Variants in AGAP1 observed in about 807,000 individuals in gnomAD.
The protein encoded by AGAP1 is arf-GAP with GTPase, ANK repeat and PH domain-containing protein 1.
AGAP1 carries 29 observed loss-of-function variants against 105.3 expected under a neutral mutation model. The ratio of observed to expected loss-of-function variants is 0.28; its 90% CI spans 0.21 to 0.38. The LOEUF (loss-of-function observed/expected upper bound fraction) is 0.38. Ranked by LOEUF, AGAP1 falls within the 10% of genes least tolerant of loss-of-function variation. AGAP1 has a pLI of 1.00. For missense variants in AGAP1, 998 were observed against 1,165.1 expected (o/e 0.86, Z 2.09); for synonymous variants, 509 against 485.9 (o/e 1.05, Z -0.63).
chr2:236,120,499 G>T lies in AGAP1; in HGVS notation c.2370+52G>T, dbSNP rs776411950. The T allele has an allele frequency of 6.2e-7, 1 of 1,600,408 alleles. No individual in the cohort carries two copies. Among genetic ancestry groups the T allele is most frequent in the South Asian group, 1.1e-5 (1 of 89,198 alleles). ...GACGGGGCCACAGGAGGCACTCTCT[G>T]CTTTGTTCTGCTTCCGTGGGCATCT... On this transcript the variant is annotated intron_variant, in intron 17 of 17. Transcript: ENST00000304032. The surrounding 1 kb of genome is among the most constrained non-coding windows in gnomAD (Gnocchi z 6.0).
At chr2:235,702,916 T>C (rs1442948192) in intron 1 of AGAP1, among the ~76,000 whole-genome samples, 1 of 150,950 alleles carries the variant, frequency 6.6e-6, no homozygotes, top group African/African-American at 2.5e-5. Flanking sequence ...TAGTGGTCAC[T>C]GTGAGCCAGT....
In AGAP1 at chr2:235,614,946, A is replaced by G. The variant is rs1465938147; in HGVS notation, c.164-94233A>G. Among the ~76,000 whole-genome samples the G allele has an allele frequency of 1.3e-5, 2 of 152,220 alleles. No homozygotes were observed. The highest frequency in any genetic ancestry group is 2.4e-5 in the African/African-American group (1 of 41,450). ...TTGGTTCACTGGGGCCGACTTGAAA[A>G]TAGTCAAAGTCCAAGTAAACTTCTG... On this transcript the variant is annotated intron_variant, in intron 1 of 17. Coordinates refer to ENST00000304032, the MANE Select transcript of AGAP1 (RefSeq NM_001037131.3). The surrounding 1 kb of genome is among the most constrained non-coding windows in gnomAD (Gnocchi z 4.7).
At chr2:235,514,905 C>G (rs1942316487) in intron 1 of AGAP1, among the ~76,000 whole-genome samples, 3 of 152,170 alleles carry the variant, frequency 2.0e-5, no homozygotes, top group Admixed American at 1.3e-4. Flanking sequence ...ATCAGATGTT[C>G]AATGACTCAT....
rs1260399701 is a variant in AGAP1, at chr2:236,113,886, C to T, written c.2115-6306C>T. On this transcript the variant is annotated intron_variant, in intron 16 of 17. Coordinates refer to ENST00000304032, the MANE Select transcript of AGAP1 (RefSeq NM_001037131.3). The surrounding 1 kb of genome is among the most constrained non-coding windows in gnomAD (Gnocchi z 4.3). ...GAGAGGTAAAGAGCCACCTTTACCT[C>T]TTCTTTTAGGCAGGAAGAGAAGCAA... is the stretch of plus-strand genomic sequence containing the variant. Among the ~76,000 whole-genome samples, 1 of 152,194 alleles carries T rather than the reference C, an allele frequency of 6.6e-6. No homozygotes were observed. The highest frequency in any genetic ancestry group is 2.4e-5 in the African/African-American group (1 of 41,456).
Position 236,074,773 on chromosome 2 carries a change from G to A in AGAP1, c.2114+25492G>A, listed in dbSNP as rs1405023420. ...GTTGAGTTCTCAGTGAAAGAAACCA[G>A]GCTGGGCATGGTGGCTCATGCCTGT... is the stretch of plus-strand genomic sequence containing the variant. On this transcript the variant is annotated intron_variant, in intron 16 of 17. Coordinates refer to ENST00000304032, the MANE Select transcript of AGAP1 (RefSeq NM_001037131.3). 3.9e-5 allele frequency among the ~76,000 whole-genome samples: 6 copies of A among 152,174 alleles called. No homozygotes were observed. The East Asian group carries it at 1.2e-3, about 29-fold the overall frequency.
At chr2:235,632,784 G>A (rs1234725475) in intron 1 of AGAP1, among the ~76,000 whole-genome samples, 2 of 152,086 alleles carry the variant, frequency 1.3e-5, no homozygotes, top group Non-Finnish European at 1.5e-5. Context: ...GCCATTGCAC[G>A]TTCATCAGCC....
chr2:236,101,729 G>A lies in AGAP1; in HGVS notation c.2115-18463G>A, dbSNP rs536595335. Among the ~76,000 whole-genome samples the A allele has an allele frequency of 1.1e-3, 160 of 152,352 alleles. No individual in the cohort carries two copies. Among genetic ancestry groups the A allele is most frequent in the Non-Finnish European group, 2.1e-3 (144 of 68,034 alleles). On this transcript the variant is annotated intron_variant, in intron 16 of 17. Transcript: ENST00000304032. This position sits in a 1 kb window ranked among gnomAD's most constrained non-coding sequence, Gnocchi z 4.9. ...ATGGTGAACGGAATTCACTGTGATG[G>A]CGGCTGCACCAGCAGAGCCGCCGTG... is the stretch of plus-strand genomic sequence containing the variant.
rs1236750501 is a variant in AGAP1, at chr2:236,038,023, C to A, written c.1800+1308C>A. ...AAAGATGAAGTGTCTTATTTTATTA[C>A]CCTCTTTAACCAGGGTAAACCAGAC... On this transcript the variant is annotated intron_variant, in intron 14 of 17. Transcript: ENST00000304032. The surrounding 1 kb of genome is among the most constrained non-coding windows in gnomAD (Gnocchi z 4.5). 6.6e-6 allele frequency among the ~76,000 whole-genome samples: 1 copy of A among 152,152 alleles called. No individual in the cohort carries two copies. Among genetic ancestry groups the A allele is most frequent in the East Asian group, 1.9e-4 (1 of 5,198 alleles).
At chr2:235,686,648 T>TAG (rs1949443598) in intron 1 of AGAP1, among the ~76,000 whole-genome samples, 1 of 47,622 alleles carries the variant, frequency 2.1e-5, no homozygotes, top group South Asian at 8.8e-4. Context: ...TATATATAGA[T>TAG]ATATATATAT....
intron 1 of AGAP1, among the ~76,000 whole-genome samples, chr2:235,636,502 C>A (rs928375378): frequency 6.6e-6 from 1 of 152,162 alleles, no homozygotes; most frequent in South Asian, 2.1e-4. Context: ...CTGTCAGGGA[C>A]GGCAGAGAAC....
intron 1 of AGAP1, among the ~76,000 whole-genome samples, chr2:235,537,374 G>A (rs13404424): frequency 0.024 from 3,614 of 152,270 alleles, 153 homozygotes; most frequent in African/African-American, 0.081. Flanking sequence ...GCTTGAGGGA[G>A]AGGGCTGGCG....
intron 12 of AGAP1, among the ~76,000 whole-genome samples, chr2:235,946,374 C>T (rs2053502737): frequency 6.6e-6 from 1 of 150,870 alleles, no homozygotes; most frequent in South Asian, 2.1e-4. Flanking sequence ...CAGCCTCTTC[C>T]TCCCAGGTTC....
chr2:236,040,605 AG>A lies in AGAP1; in HGVS notation c.1801-145del, dbSNP rs2057519304. On this transcript the variant is annotated intron_variant, in intron 14 of 17. Coordinates refer to ENST00000304032, the MANE Select transcript of AGAP1 (RefSeq NM_001037131.3). This position sits in a 1 kb window ranked among gnomAD's most constrained non-coding sequence, Gnocchi z 5.6. ...CTTCTTCAGTTATGCTCTTTCCCAA[AG>A]ACATCAAAACAAGAGTGATTGTTTA... 1.9e-5 allele frequency: 6 copies of A among 313,366 alleles called. No homozygotes were observed. The highest frequency in any genetic ancestry group is 3.4e-5 in the Non-Finnish European group (6 of 177,024). The allele number at this position is 313,366 out of a possible 1,614,324, so 19.4% of individuals were successfully genotyped here.
rs184886913 is a variant in AGAP1 at position 235,929,172 on chromosome 2, C to T, written c.1325-1593C>T. 2.2e-3 allele frequency among the ~76,000 whole-genome samples: 330 copies of T among 152,286 alleles called. 3 individuals carry two copies. In the South Asian group the frequency reaches 0.024, roughly 11 times the overall value. On this transcript the variant is annotated intron_variant, in intron 11 of 17. Coordinates refer to ENST00000304032, the MANE Select transcript of AGAP1 (RefSeq NM_001037131.3). ...AGCCCCTTGGATGCCAGTGGTCTGC[C>T]GTGGTGGAGTTTTGATTGTGATTTT...
intron 6 of AGAP1, among the ~76,000 whole-genome samples, chr2:235,759,406 T>C (rs1317892507): frequency 6.7e-6 from 1 of 148,936 alleles, no homozygotes; most frequent in Non-Finnish European, 1.5e-5. Flanking sequence ...CCTGACCTCG[T>C]GATCCGCCCG....
At chr2:236,037,484 A>G (rs2057418287) in intron 14 of AGAP1, among the ~76,000 whole-genome samples, 1 of 152,112 alleles carries the variant, frequency 6.6e-6, no homozygotes, top group Non-Finnish European at 1.5e-5. Context: ...TGCAACCTCC[A>G]AGCTCAAGCA....
chr2:235,645,611 C>G (rs552465701), intron 1 of AGAP1, among the ~76,000 whole-genome samples: 72 of 152,154 alleles, frequency 4.7e-4, no homozygotes, highest in African/African-American at 1.6e-3. Flanking sequence ...GTTTACGCCC[C>G]AGGCCTGGCA....
At chr2:235,980,537 A>G (rs900635487) in intron 13 of AGAP1, among the ~76,000 whole-genome samples, 3 of 152,192 alleles carry the variant, frequency 2.0e-5, no homozygotes, top group African/African-American at 7.2e-5. Context: ...GCCGCTGAGC[A>G]CACATGTTGA....
chr2:235,570,150 T>G (rs1251784451), intron 1 of AGAP1, among the ~76,000 whole-genome samples: 1 of 152,218 alleles, frequency 6.6e-6, no homozygotes, highest in Non-Finnish European at 1.5e-5. Flanking sequence ...GCCTTTGCTT[T>G]ACTTGCTGTG....
Sources: allele counts gnomAD v4.1 joint callset (sites outside exome capture counted in the v4.1 genomes callset), GRCh38; gene constraint gnomAD v4.1.1; non-coding constraint Gnocchi (gnomAD v3.1); transcripts MANE v1.5; gene names NCBI Gene and HGNC (gene_info 2026-07-23, HGNC 2026-07-21).